Variants in MYO6 observed in about 807,000 individuals in gnomAD.
MYO6 encodes the protein myosin VI.
MYO6 carries 74 observed loss-of-function variants against 178.7 expected under a neutral mutation model. That is an observed-to-expected ratio of 0.41 (90% CI 0.34 to 0.50). The LOEUF is 0.50. MYO6 is among the 20% of genes least tolerant of loss of function. MYO6 has a pLI of 0.09. For missense variants in MYO6, 1,330 were observed against 1,547.4 expected, an observed-to-expected ratio of 0.86 and a Z score of 2.36; for synonymous variants, 477 against 504.6, an observed-to-expected ratio of 0.95 and a Z score of 0.73.
chr6:75,790,275 A>G (rs373222238), intron 1 of MYO6, among the ~76,000 whole-genome samples: 2 of 152,268 alleles, frequency 1.3e-5, no homozygotes, highest in African/African-American at 4.8e-5. Flanking sequence ...ACCAATTTAA[A>G]TTGTTTACAA....
intron 16 of MYO6, 100 bp downstream of exon 16, chr6:75,862,823 T>C (rs1366390266): frequency 7.4e-7 from 1 of 1,359,718 alleles, no homozygotes; most frequent in Non-Finnish European, 1.0e-6. Context: ...GAATAAAAAT[T>C]ATGGCGTGTA....
intron 20 of MYO6, among the ~76,000 whole-genome samples, chr6:75,879,514 C>T (rs1054391702): frequency 1.3e-5 from 2 of 151,262 alleles, no homozygotes; most frequent in African/African-American, 2.4e-5. Context: ...GGCGTGGCCT[C>T]CCAAAGTACT....
chr6:75,907,042 AAT>A (rs1780381778), intron 30 of MYO6, among the ~76,000 whole-genome samples: 1 of 152,306 alleles, frequency 6.6e-6, no homozygotes, highest in Admixed American at 6.5e-5. Context: ...GAATGACTCT[AAT>A]GCAGTGGGTT....
At chr6:75,894,015 T>C (rs1049093019) in intron 28 of MYO6, among the ~76,000 whole-genome samples, 1 of 152,236 alleles carries the variant, frequency 6.6e-6, no homozygotes, top group Non-Finnish European at 1.5e-5. Flanking sequence ...CTCTTACAGC[T>C]GCTATCCCTG....
chr6:75,816,697 G>A lies in MYO6; in HGVS notation c.-47-804G>A, dbSNP rs1208053350. ...CATCAGTCCATTCTCAGAGAGTGAG[G>A]GAAAGTTTCCCAGAGATAATAATCT... On this transcript the variant is annotated intron_variant, in intron 1 of 34. Transcript: ENST00000369977. Among the ~76,000 whole-genome samples, 3 of 152,110 alleles carry A rather than the reference G, an allele frequency of 2.0e-5. No individual in the cohort carries two copies. In the South Asian group the frequency reaches 6.2e-4, roughly 32 times the overall value.
chr6:75,890,435 C>T (rs779801961), intron 26 of MYO6, among the ~76,000 whole-genome samples, 170 bp downstream of exon 26: 13 of 152,274 alleles, frequency 8.5e-5, no homozygotes, highest in Non-Finnish European at 1.2e-4. Flanking sequence ...CACTCTGCCT[C>T]TCGGGTTCAA....
At chr6:75,838,654 T>A (rs1773890408) in intron 7 of MYO6, among the ~76,000 whole-genome samples, 1 of 151,732 alleles carries the variant, frequency 6.6e-6, no homozygotes, top group Non-Finnish European at 1.5e-5. Flanking sequence ...CATGGTTTTT[T>A]TTTTTTTTTC....
chr6:75,767,031 T>C (rs1404424301), intron 1 of MYO6, among the ~76,000 whole-genome samples: 4 of 135,980 alleles, frequency 2.9e-5, no homozygotes, highest in African/African-American at 1.0e-4. Context: ...CAATTCATTC[T>C]TTTTTTTTTT....
intron 1 of MYO6, among the ~76,000 whole-genome samples, chr6:75,761,878 T>C (rs1403817287): frequency 6.6e-6 from 1 of 152,088 alleles, no homozygotes; most frequent in Non-Finnish European, 1.5e-5. Context: ...TATATTGTAA[T>C]GATGGATTGA....
At chr6:75,836,731 C>A (rs1773683650) in intron 7 of MYO6, among the ~76,000 whole-genome samples, 1 of 151,754 alleles carries the variant, frequency 6.6e-6, no homozygotes, top group African/African-American at 2.4e-5. Flanking sequence ...TACAGGCGCC[C>A]ACCACCACAT....
rs12216518 is a variant in MYO6, at chr6:75,840,520, A to G, written c.554-65A>G. The stretch of plus-strand genomic sequence containing the variant: ...CATATATATTAACAAATGGAGATAT[A>G]CCATGCATATTTTGTAATGTTCCGT... On this transcript the variant is annotated intron_variant, in intron 7 of 34. Coordinates refer to ENST00000369977, the MANE Select transcript of MYO6 (RefSeq NM_004999.4). The G allele has an allele frequency of 0.13, 137,417 of 1,021,682 alleles. 9,819 individuals carry two copies. The highest frequency in any genetic ancestry group is 0.15 in the Non-Finnish European group (97,095 of 640,596). 63.3% of individuals were successfully genotyped at this position (1,021,682 alleles called of 1,614,324 possible). A position where few individuals can be genotyped will look rare whatever the true frequency, so the allele number is the denominator to read the frequency against.
At chr6:75,766,323 AAAAAAAAG>A (rs1778415410) in intron 1 of MYO6, among the ~76,000 whole-genome samples, 2 of 151,874 alleles carry the variant, frequency 1.3e-5, no homozygotes, top group Non-Finnish European at 2.9e-5. Context: ...ACTCTGTCTC[AAAAAAAAG>A]AAAAAAAGAA....
chr6:75,872,637 T>G (rs1322266520), intron 19 of MYO6, among the ~76,000 whole-genome samples: 2 of 152,198 alleles, frequency 1.3e-5, no homozygotes, highest in Non-Finnish European at 2.9e-5. Context: ...AACAATTAAA[T>G]GTGTTAAACT....
At chr6:75,870,511 G>A in intron 18 of MYO6, 136 bp from the exon 19 acceptor site, 1 of 710,770 alleles carries the variant, frequency 1.4e-6, no homozygotes, top group Non-Finnish European at 2.5e-6. Context: ...GTACCAGGAG[G>A]TTGTTAAACT....
chr6:75,866,580 T>A lies in MYO6; in HGVS notation c.1729T>A (p.Phe577Ile). The A allele has an allele frequency of 6.2e-7, 1 of 1,614,102 alleles. No homozygotes were observed. Among genetic ancestry groups the A allele is most frequent in the Non-Finnish European group, 8.5e-7 (1 of 1,179,962 alleles). Residue 577 changes from phenylalanine (F) to isoleucine (I), a missense_variant, in exon 17 of 35, where the codon TTC becomes ATC. Phe to Ile is a conservative substitution (Grantham distance 21). Coordinates refer to ENST00000369977, the MANE Select transcript of MYO6 (RefSeq NM_004999.4). ...TAGGAATATCAGAGACGACGAAGGC[T>A]TCATTATCAGGCATTTTGCGGGGGC... Reference protein sequence around the residue: ...VHRNIRDDEGFIIRHFAGAVC... With the variant: ...VHRNIRDDEGIIIRHFAGAVC...
rs984608473 is a variant in MYO6, at chr6:75,845,969, A to G, written c.897+992A>G. On this transcript the variant is annotated intron_variant, in intron 10 of 34. Coordinates refer to ENST00000369977, the MANE Select transcript of MYO6 (RefSeq NM_004999.4). The stretch of plus-strand genomic sequence containing the variant: ...ACCACTGTACTCCAGCCTGGGCGAC[A>G]GAACGAGACTCTGTCTCAAAAAAAA... 4.0e-5 allele frequency among the ~76,000 whole-genome samples: 6 copies of G among 151,212 alleles called. No individual in the cohort carries two copies. The Admixed American group carries it at 4.0e-4, about 10-fold the overall frequency.
intron 1 of MYO6, among the ~76,000 whole-genome samples, chr6:75,814,580 G>C (rs1229786267): frequency 6.6e-6 from 1 of 152,160 alleles, no homozygotes; most frequent in Non-Finnish European, 1.5e-5. Flanking sequence ...AGATATTTCA[G>C]GATGAGCACA....
At chr6:75,822,920 G>T in intron 3 of MYO6, 69 bp downstream of exon 3, 1 of 1,234,698 alleles carries the variant, frequency 8.1e-7, no homozygotes, top group South Asian at 1.2e-5. Flanking sequence ...AAATAAATTA[G>T]TGGTTATATA....
chr6:75,860,711 A>T (rs914230632), intron 14 of MYO6, among the ~76,000 whole-genome samples: 12 of 152,222 alleles, frequency 7.9e-5, no homozygotes, highest in Non-Finnish European at 1.6e-4. Context: ...GACACAAGAC[A>T]TATTTGAGGA....
Sources: allele counts gnomAD v4.1 joint callset (sites outside exome capture counted in the v4.1 genomes callset), GRCh38; gene constraint gnomAD v4.1.1; transcripts MANE v1.5; gene names NCBI Gene and HGNC (gene_info 2026-07-23, HGNC 2026-07-21).